HOOK2: variants seen among roughly 807,000 people sequenced by gnomAD.
The protein encoded by HOOK2 is protein Hook homolog 2.
Under a neutral mutation model 111.9 loss-of-function variants are expected in HOOK2, and 108 were observed. That is an observed-to-expected ratio of 0.96 (90% CI 0.83 to 1.13). The LOEUF (loss-of-function observed/expected upper bound fraction) is 1.13. Ranked by LOEUF, HOOK2 falls within the 50% of genes most tolerant of loss-of-function variation. HOOK2 has a pLI of 0.00. For missense variants in HOOK2, 978 were observed against 951.3 expected (o/e 1.03, Z -0.37); for synonymous variants, 405 against 394.3 (o/e 1.03, Z -0.32).
chr19:12,764,737 G>T, intron 20 of HOOK2, 77 bp downstream of exon 20: 2 of 1,211,124 alleles, frequency 1.7e-6, no homozygotes, highest in East Asian at 2.3e-5. Flanking sequence ...TGTGCAAGCA[G>T]GAGGTTTGAC....
In HOOK2 at chr19:12,790,014, G is replaced by A. The variant is rs1056591741; in HGVS notation, n.42-15789C>T. On this transcript the variant is annotated intron_variant and non_coding_transcript_variant, in intron 3 of 3. Transcript: ENST00000589765. This position sits in a 1 kb window ranked among gnomAD's most constrained non-coding sequence, Gnocchi z 7.2. ...CGCTCAGTCCTGCCCGCGGACTCCC[G>A]CCTGTTGCCATGGCGACCAGGCCCC... Among the ~76,000 whole-genome samples the A allele has an allele frequency of 2.0e-5, 3 of 152,152 alleles. No homozygotes were observed. Among genetic ancestry groups the A allele is most frequent in the Non-Finnish European group, 4.4e-5 (3 of 67,994 alleles).
In HOOK2 at chr19:12,771,195, TGCA is replaced by T. The variant is rs747180827; in HGVS notation, c.722_724del (p.Leu241del). ...CTCCTGCAACTGCTCCAGCTGGGAT[TGCA>T]GCAGCAGCAGCTTCTTGGCAGTGAG... On this transcript the variant is annotated inframe_deletion, in exon 9 of 23. Transcript: ENST00000397668. 1 of 1,613,176 alleles carries T rather than the reference TGCA, an allele frequency of 6.2e-7. No individual in the cohort carries two copies. Among genetic ancestry groups the T allele is most frequent in the South Asian group, 1.1e-5 (1 of 90,864 alleles).
In HOOK2 at chr19:12,786,200, C is replaced by T. The variant is rs926989554; in HGVS notation, n.42-11975G>A. 1.3e-5 allele frequency among the ~76,000 whole-genome samples: 2 copies of T among 151,580 alleles called. No homozygotes were observed. The highest frequency in any genetic ancestry group is 4.8e-5 in the African/African-American group (2 of 41,260). ...GGAGTTCCTGGGGGAGGGCTCCTGC[C>T]GGGCCTCAGATCCACACCCAGGGGC... On this transcript the variant is annotated intron_variant and non_coding_transcript_variant, in intron 3 of 3. Transcript: ENST00000589765. The surrounding 1 kb of genome is among the most constrained non-coding windows in gnomAD (Gnocchi z 4.3).
At chr19:12,781,893 G>A (rs554529144), upstream of HOOK2, among the ~76,000 whole-genome samples, 1 of 151,642 alleles carries the variant, frequency 6.6e-6, no homozygotes, top group African/African-American at 2.4e-5. Context: ...AGGCTGGAGT[G>A]CAGTGGCACA....
At chr19:12,792,262 G>C in intron 3 of HOOK2, 1 of 1,495,774 alleles carries the variant, frequency 6.7e-7, no homozygotes, top group South Asian at 1.3e-5. Flanking sequence ...GCTACCGGGG[G>C]GCCCCCGGCT....
rs182803403 is a variant in HOOK2, at chr19:12,767,038, G to A, written c.1373+357C>T. ...ATCCACCGTGCCTGGCCCGGGGTGG[G>A]AGAGTTAATCCCGGCAGGGCACAGG... On this transcript the variant is annotated intron_variant, in intron 14 of 22. Coordinates refer to ENST00000397668, the MANE Select transcript of HOOK2 (RefSeq NM_013312.3). Among the ~76,000 whole-genome samples the A allele has an allele frequency of 3.6e-4, 55 of 152,278 alleles. No individual in the cohort carries two copies. In the East Asian group the frequency reaches 8.3e-3, roughly 23 times the overall value.
intron 22 of HOOK2, 43 bp from the exon 23 acceptor site, chr19:12,763,474 C>T (rs1396870313): frequency 6.2e-7 from 1 of 1,612,934 alleles, no homozygotes; most frequent in Non-Finnish European, 8.5e-7. Flanking sequence ...GCTCACAGGA[C>T]CCCCCCACCA....
upstream of HOOK2, chr19:12,775,589 C>CCCGCCCCGCCCCCAAGCCCAGGCT (rs1433305831): frequency 4.5e-5 from 33 of 725,276 alleles, no homozygotes; most frequent in Middle Eastern, 4.4e-4. Flanking sequence ...AGGCGCAGGC[C>CCCGCCCCGCCCCCAAGCCCAGGCT]CCGCCCCGCC....
chr19:12,764,632 G>A, intron 20 of HOOK2, 182 bp downstream of exon 20: 2 of 636,610 alleles, frequency 3.1e-6, no homozygotes, highest in Non-Finnish European at 5.5e-6. Flanking sequence ...CCAGCCAGCT[G>A]TGCAGTATTT....
upstream of HOOK2, among the ~76,000 whole-genome samples, chr19:12,776,388 A>G (rs920689493): frequency 6.6e-6 from 1 of 151,614 alleles, no homozygotes; most frequent in Non-Finnish European, 1.5e-5. Flanking sequence ...TCTTCAAAAA[A>G]TTTAAAAATT....
rs760812924 is a variant in HOOK2 at position 12,765,724 on chromosome 19, A to T, written c.1606T>A (p.Ser536Thr). The stretch of plus-strand genomic sequence containing the variant: ...TCCAGCTTCCTTTTCAGCAAAATGG[A>T]CTGGGAGAGAGAAGAGGCAAGGTGA... The part of the protein sequence containing the change: ...EQGGKTEDAI[S>T]ILLKRKLEEH... Residue 536 changes from serine (S) to threonine (T), a missense_variant and splice_region_variant, in exon 18 of 23, where the codon TCC becomes ACC. Physicochemically the swap from Ser to Thr is moderately conservative, Grantham distance 58 (BLOSUM62 1). Transcript: ENST00000397668. 6.2e-7 allele frequency: 1 copy of T among 1,614,132 alleles called. No homozygotes were observed. The highest frequency in any genetic ancestry group is 8.5e-7 in the Non-Finnish European group (1 of 1,180,016).
intron 3 of HOOK2, among the ~76,000 whole-genome samples, chr19:12,783,974 C>A (rs143806325): frequency 6.6e-6 from 1 of 151,842 alleles, no homozygotes; most frequent in Non-Finnish European, 1.5e-5. Context: ...GTCACCTCCC[C>A]GCCCCCCACC....
intron 11 of HOOK2, among the ~76,000 whole-genome samples, chr19:12,769,110 C>T (rs959146139): frequency 4.0e-4 from 61 of 152,068 alleles, no homozygotes; most frequent in African/African-American, 1.2e-3. Flanking sequence ...GGACTACAGG[C>T]GCCCACCACC....
intron 3 of HOOK2, among the ~76,000 whole-genome samples, chr19:12,783,928 A>G (rs1968631310): frequency 6.6e-6 from 1 of 152,046 alleles, no homozygotes; most frequent in Non-Finnish European, 1.5e-5. Context: ...AGGAAGTGAG[A>G]GGCGGGGCAG....
upstream of HOOK2, among the ~76,000 whole-genome samples, chr19:12,782,596 G>C (rs1968614741): frequency 6.6e-6 from 1 of 152,206 alleles, no homozygotes. Flanking sequence ...AACCCGACGC[G>C]GTCGTGCGTG....
At chr19:12,766,424 A>G in intron 14 of HOOK2, 184 bp from the exon 15 acceptor site, 1 of 683,836 alleles carries the variant, frequency 1.5e-6, no homozygotes, top group Non-Finnish European at 2.3e-6. Flanking sequence ...AAGTGGACGG[A>G]GCTCTAAGCT....
At chr19:12,770,827 C>T (rs1968302966) in intron 10 of HOOK2, 105 bp downstream of exon 10, 21 of 1,414,912 alleles carry the variant, frequency 1.5e-5, no homozygotes, top group Non-Finnish European at 1.9e-5. Flanking sequence ...TGGGGGTTCA[C>T]TGGGCACATG....
At chr19:12,772,951 C>T (rs756359489) in intron 4 of HOOK2, 39 bp from the exon 5 acceptor site, 25 of 1,614,120 alleles carry the variant, frequency 1.5e-5, no homozygotes, top group Non-Finnish European at 2.1e-5. Context: ...TGGGCCCACC[C>T]TTCTCCCAAC....
chr19:12,764,971 C>T, intron 19 of HOOK2, 28 bp downstream of exon 19: 1 of 1,614,064 alleles, frequency 6.2e-7, no homozygotes, highest in Non-Finnish European at 8.5e-7. Flanking sequence ...GGGATCTCCC[C>T]ACCCTCTGGT....
Sources: gnomAD v4.1 joint callset for allele counts (sites outside exome capture counted in the v4.1 genomes callset) on GRCh38, gnomAD v4.1.1 for gene constraint, Gnocchi (gnomAD v3.1) non-coding constraint, MANE v1.5 for transcripts, NCBI Gene and HGNC (gene_info 2026-07-23, HGNC 2026-07-21) for gene names.